Variants in SCAPER observed in about 807,000 individuals in gnomAD.
SCAPER encodes S phase cyclin A-associated protein in the endoplasmic reticulum.
SCAPER carries 98 observed loss-of-function variants against 182.2 expected under a neutral mutation model. The ratio of observed to expected loss-of-function variants is 0.54; its 90% CI spans 0.46 to 0.64. SCAPER has a LOEUF of 0.64. SCAPER is among the 30% of genes least tolerant of loss of function. The pLI, the probability that SCAPER is intolerant of heterozygous loss-of-function variation, is 0.00. For synonymous variants in SCAPER, 605 were observed against 564.6 expected, an observed-to-expected ratio of 1.07 and a Z score of -1.01; for missense variants, 1,432 against 1,690.0, an observed-to-expected ratio of 0.85 and a Z score of 2.68.
intron 27 of SCAPER, among the ~76,000 whole-genome samples, chr15:76,384,423 A>G (rs2043160992): frequency 6.6e-6 from 1 of 152,206 alleles, no homozygotes; most frequent in African/African-American, 2.4e-5. Flanking sequence ...ATTCACTGCT[A>G]TTTCCTCTTC....
chr15:76,781,985 G>A (rs1315236169), intron 8 of SCAPER, among the ~76,000 whole-genome samples: 4 of 152,006 alleles, frequency 2.6e-5, no homozygotes, highest in Admixed American at 2.0e-4. Flanking sequence ...ATCAATTCAC[G>A]GGCAAAATAA....
At chr15:76,693,915 T>C (rs575131954) in intron 20 of SCAPER, among the ~76,000 whole-genome samples, 27 of 152,284 alleles carry the variant, frequency 1.8e-4, no homozygotes, top group Admixed American at 1.6e-3. Flanking sequence ...ACAGTGGTGA[T>C]GGTAGCATAA....
intron 17 of SCAPER, among the ~76,000 whole-genome samples, chr15:76,706,982 C>T (rs1051443262): frequency 1.4e-4 from 22 of 151,918 alleles, no homozygotes; most frequent in African/African-American, 5.3e-4. Flanking sequence ...TCATTTATGA[C>T]ATATATATGT....
intron 3 of SCAPER, among the ~76,000 whole-genome samples, chr15:76,861,060 AGAG>A (rs1182528725): frequency 2.0e-5 from 3 of 152,328 alleles, no homozygotes; most frequent in South Asian, 2.1e-4. Flanking sequence ...ATAAAAATAA[AGAG>A]GAGATGGTAA....
chr15:76,874,714 G>C (rs1401691251), intron 2 of SCAPER, among the ~76,000 whole-genome samples: 2 of 152,010 alleles, frequency 1.3e-5, no homozygotes, highest in Admixed American at 6.6e-5. Flanking sequence ...CCCAGCACTT[G>C]GGGAGGCCAA....
intron 23 of SCAPER, among the ~76,000 whole-genome samples, chr15:76,522,449 A>C (rs1597178976): frequency 2.0e-5 from 3 of 152,268 alleles, no homozygotes; most frequent in Non-Finnish European, 4.4e-5. Context: ...TTATATTTTG[A>C]GGAAAAAGTA....
chr15:76,775,532 G>A lies in SCAPER; in HGVS notation c.773-415C>T, dbSNP rs116190606. ...AATTAAGTAATTTATCCCAGATCAC[G>A]CACAGAGTAAAGGTAATGCCAAAAT... On this transcript the variant is annotated intron_variant, in intron 8 of 31. Coordinates refer to ENST00000563290, the MANE Select transcript of SCAPER (RefSeq NM_020843.4). Among the ~76,000 whole-genome samples the A allele has an allele frequency of 1.5e-3, 234 of 152,154 alleles. 2 individuals carry two copies. The highest frequency in any genetic ancestry group is 5.4e-3 in the African/African-American group (225 of 41,526).
At chr15:76,420,823 A>G (rs2045981374) in intron 26 of SCAPER, among the ~76,000 whole-genome samples, 1 of 151,982 alleles carries the variant, frequency 6.6e-6, no homozygotes, top group African/African-American at 2.4e-5. Context: ...TCCTGTGTCC[A>G]AGTGTTCTCA....
intron 27 of SCAPER, among the ~76,000 whole-genome samples, chr15:76,394,284 T>C (rs1285715881): frequency 6.6e-6 from 1 of 152,184 alleles, no homozygotes; most frequent in Non-Finnish European, 1.5e-5. Context: ...CAAGCTCCCC[T>C]TAGTTAAGTA....
At chr15:76,851,883 C>G (rs2070792882) in intron 4 of SCAPER, among the ~76,000 whole-genome samples, 1 of 152,000 alleles carries the variant, frequency 6.6e-6, no homozygotes, top group East Asian at 1.9e-4. Flanking sequence ...TTAAAAGGCA[C>G]AGAGTGGCAA....
intron 22 of SCAPER, among the ~76,000 whole-genome samples, chr15:76,592,871 G>C (rs2049230242): frequency 8.3e-6 from 1 of 120,730 alleles, no homozygotes; most frequent in South Asian, 2.6e-4. Context: ...AGGGCCCTGG[G>C]TTTCAAGCAC....
chr15:76,608,063 G>T (rs1447260579), intron 22 of SCAPER, among the ~76,000 whole-genome samples: 1 of 152,230 alleles, frequency 6.6e-6, no homozygotes, highest in Non-Finnish European at 1.5e-5. Context: ...CTGGTGAGGA[G>T]TTGCGTTCCT....
chr15:76,679,789 C>T (rs1227518660), intron 20 of SCAPER, among the ~76,000 whole-genome samples: 1 of 152,114 alleles, frequency 6.6e-6, no homozygotes, highest in Non-Finnish European at 1.5e-5. Context: ...TGAGGTAAAC[C>T]CTTCTTTTGC....
At chr15:76,719,751 T>A (rs1360364915) in intron 17 of SCAPER, among the ~76,000 whole-genome samples, 8 of 151,940 alleles carry the variant, frequency 5.3e-5, no homozygotes, top group Admixed American at 3.9e-4. Context: ...TCCTTATAAA[T>A]AAGATGCCCA....
intron 23 of SCAPER, among the ~76,000 whole-genome samples, chr15:76,535,220 G>C (rs1474208967): frequency 6.6e-6 from 1 of 152,090 alleles, no homozygotes; most frequent in Admixed American, 6.5e-5. Flanking sequence ...CCTCTGCTAA[G>C]AGTATAAGAA....
At chr15:76,756,715 G>C (rs2062456697) in intron 14 of SCAPER, among the ~76,000 whole-genome samples, 1 of 152,128 alleles carries the variant, frequency 6.6e-6, no homozygotes, top group South Asian at 2.1e-4. Flanking sequence ...ACAGTACTCA[G>C]TTATAAGAGT....
intron 20 of SCAPER, 142 bp downstream of exon 20, chr15:76,701,616 C>T: frequency 6.9e-6 from 4 of 581,532 alleles, no homozygotes; most frequent in East Asian, 2.9e-5. Context: ...CACATTTGTA[C>T]ACTATATTGT....
At chr15:76,761,258 T>C (rs1223404644) in intron 14 of SCAPER, among the ~76,000 whole-genome samples, 2 of 152,270 alleles carry the variant, frequency 1.3e-5, no homozygotes, top group East Asian at 3.9e-4. Context: ...GCTAAGAGTT[T>C]GATTTTTTTC....
chr15:76,714,271 A>G (rs183325682), intron 17 of SCAPER, among the ~76,000 whole-genome samples: 73 of 152,334 alleles, frequency 4.8e-4, no homozygotes, highest in African/African-American at 1.7e-3. Context: ...CAATGGTTAC[A>G]TATGTGAAAA....
Sources: allele counts gnomAD v4.1 joint callset (sites outside exome capture counted in the v4.1 genomes callset), GRCh38; gene constraint gnomAD v4.1.1; transcripts MANE v1.5; gene names NCBI Gene and HGNC (gene_info 2026-07-23, HGNC 2026-07-21).